RAB6A: variants seen among roughly 807,000 people sequenced by gnomAD.
RAB6A encodes the protein ras-related protein Rab-6A.
RAB6A carries 8 observed loss-of-function variants against 32.3 expected under a neutral mutation model. The ratio of observed to expected loss-of-function variants is 0.25; its 90% CI spans 0.15 to 0.45. The LOEUF is 0.45. Among genes scored for constraint, RAB6A ranks in the 20% least tolerant of loss-of-function variants. The probability of loss-of-function intolerance (pLI) is 1.00; values close to 1 mark genes in which losing one functional copy is unlikely to be tolerated. For synonymous variants in RAB6A, 73 were observed against 82.1 expected (o/e 0.89, Z 0.60); for missense variants, 104 against 249.4 (o/e 0.42, Z 3.93).
intron 6 of RAB6A, among the ~76,000 whole-genome samples, chr11:73,693,277 G>T (rs978504429): frequency 1.5e-4 from 22 of 150,586 alleles, no homozygotes; most frequent in African/African-American, 5.4e-4. Flanking sequence ...GACAGAGCAA[G>T]ACTCCGTCTC....
chr11:73,747,868 C>T (rs1201510208), intron 1 of RAB6A, among the ~76,000 whole-genome samples: 1 of 152,162 alleles, frequency 6.6e-6, no homozygotes, highest in South Asian at 2.1e-4. Flanking sequence ...AACTGATGTG[C>T]CTTTCTCAGT....
intron 1 of RAB6A, among the ~76,000 whole-genome samples, chr11:73,744,128 A>G (rs1413584501): frequency 2.0e-5 from 3 of 151,818 alleles, no homozygotes; most frequent in Non-Finnish European, 4.4e-5. Flanking sequence ...CACGAGGTCA[A>G]GAGATGGAGA....
At chr11:73,683,611 G>A (rs2134867274) in intron 6 of RAB6A, among the ~76,000 whole-genome samples, 1 of 151,876 alleles carries the variant, frequency 6.6e-6, no homozygotes, top group African/African-American at 2.4e-5. Context: ...GGAGTGCAGT[G>A]GCACAATCTC....
At chr11:73,722,901 G>A (rs984144992) in intron 2 of RAB6A, among the ~76,000 whole-genome samples, 1 of 151,984 alleles carries the variant, frequency 6.6e-6, no homozygotes, top group Non-Finnish European at 1.5e-5. Flanking sequence ...CTGCCTCCTG[G>A]GTTCAAGCAA....
At chr11:73,717,645 C>T (rs1051691145) in intron 4 of RAB6A, among the ~76,000 whole-genome samples, 1 of 152,242 alleles carries the variant, frequency 6.6e-6, no homozygotes, top group East Asian at 1.9e-4. Flanking sequence ...AGTTTCATCA[C>T]GTTGGTCAGG....
chr11:73,680,385 G>A (rs990167991), intron 6 of RAB6A, among the ~76,000 whole-genome samples: 7 of 152,208 alleles, frequency 4.6e-5, no homozygotes, highest in African/African-American at 9.6e-5. Context: ...GGCTGGACGC[G>A]GTGGCTCACG....
intron 1 of RAB6A, among the ~76,000 whole-genome samples, chr11:73,757,020 G>A (rs1217431875): frequency 2.2e-5 from 3 of 137,062 alleles, no homozygotes; most frequent in African/African-American, 8.2e-5. Flanking sequence ...GGTTAAGATT[G>A]ATGTCATTAA....
At chr11:73,704,935 G>A (rs1438231520) in intron 6 of RAB6A, among the ~76,000 whole-genome samples, 2 of 152,034 alleles carry the variant, frequency 1.3e-5, no homozygotes, top group Admixed American at 1.3e-4. Flanking sequence ...GGCGGAGCTT[G>A]CAGTGAGCCG....
intron 4 of RAB6A, among the ~76,000 whole-genome samples, chr11:73,717,707 A>G (rs1016150777): frequency 6.6e-6 from 1 of 152,172 alleles, no homozygotes; most frequent in Non-Finnish European, 1.5e-5. Flanking sequence ...GCCACCCAAA[A>G]TATGGGGATT....
At chr11:73,736,798 G>GAAAAA (rs1217713529) in intron 1 of RAB6A, among the ~76,000 whole-genome samples, 1 of 38,568 alleles carries the variant, frequency 2.6e-5, no homozygotes, top group African/African-American at 8.6e-5. Context: ...TCTCGAGAAA[G>GAAAAA]AAAAAAAAAA....
At chr11:73,759,925 CCTTT>C (rs1946815339) in intron 1 of RAB6A, 2 of 838,374 alleles carry the variant, frequency 2.4e-6, no homozygotes, top group African/African-American at 3.5e-5. Context: ...CGACGCTACC[CCTTT>C]CACCCCCAAC....
intron 6 of RAB6A, among the ~76,000 whole-genome samples, chr11:73,683,092 A>C (rs1286624891): frequency 6.6e-6 from 1 of 150,702 alleles, no homozygotes; most frequent in Non-Finnish European, 1.5e-5. Context: ...TGAAAATCAC[A>C]ATCTATTTAT....
chr11:73,754,971 G>A (rs1197494621), intron 1 of RAB6A, among the ~76,000 whole-genome samples: 3 of 152,034 alleles, frequency 2.0e-5, no homozygotes, highest in African/African-American at 7.2e-5. Context: ...TGCCCAGGCT[G>A]GAGTGCAATG....
chr11:73,697,035 ATC>A (rs781163573), intron 6 of RAB6A, among the ~76,000 whole-genome samples: 1 of 152,120 alleles, frequency 6.6e-6, no homozygotes, highest in Admixed American at 6.6e-5. Context: ...CTCCATAACT[ATC>A]TCTGTGAGCT....
At chr11:73,720,180 C>CTTTTT (rs10688172) in intron 3 of RAB6A, among the ~76,000 whole-genome samples, 1 of 130,696 alleles carries the variant, frequency 7.7e-6, no homozygotes, top group Non-Finnish European at 1.6e-5. Context: ...ATACACATTA[C>CTTTTT]TTTTTTTTTT....
At chr11:73,709,387 G>A (rs956748246) in intron 5 of RAB6A, among the ~76,000 whole-genome samples, 9 of 151,030 alleles carry the variant, frequency 6.0e-5, no homozygotes, top group Non-Finnish European at 1.2e-4. Flanking sequence ...AAATGCTCGA[G>A]TCAGTCTCTG....
intron 1 of RAB6A, among the ~76,000 whole-genome samples, chr11:73,739,282 A>ACATATATATATAT (rs1289309364): frequency 1.3e-4 from 2 of 15,332 alleles, no homozygotes; most frequent in African/African-American, 2.8e-4. Context: ...AAAAAAAAAA[A>ACATATATATATAT]AAATATATAT....
At chr11:73,678,725 GTT>G (rs113575507) in intron 7 of RAB6A, among the ~76,000 whole-genome samples, 19 of 144,708 alleles carry the variant, frequency 1.3e-4, no homozygotes, top group Middle Eastern at 3.5e-3. Context: ...TTGTTGTTGT[GTT>G]TTTTTTTTTG....
In RAB6A at chr11:73,714,192, CA is replaced by C. The variant is rs71272251; in HGVS notation, c.401+2058del. Among the ~76,000 whole-genome samples the C allele has an allele frequency of 1.4e-3, 90 of 66,126 alleles. 1 individual carries two copies. Among genetic ancestry groups the C allele is most frequent in the African/African-American group, 4.6e-3 (75 of 16,474 alleles). 43.4% of individuals were successfully genotyped at this position (66,126 alleles called of 152,430 possible). On this transcript the variant is annotated intron_variant, in intron 5 of 7. Transcript: ENST00000336083. Reference sequence around the variant, plus strand: ...AAGCAACAAGAGCAGAACTCCATCTCAAAAAAAAAAAAAAAAAATATATATA... The same window carrying C: ...AAGCAACAAGAGCAGAACTCCATCTCAAAAAAAAAAAAAAAAATATATATA...
Sources: gnomAD v4.1 joint callset for allele counts (sites outside exome capture counted in the v4.1 genomes callset) on GRCh38, gnomAD v4.1.1 for gene constraint, MANE v1.5 for transcripts, NCBI Gene and HGNC (gene_info 2026-07-23, HGNC 2026-07-21) for gene names.